The following TBL1X variants were observed in gnomAD, a reference collection of about 807,000 sequenced individuals.
The protein encoded by TBL1X is F-box-like/WD repeat-containing protein TBL1X.
In TBL1X, 10 loss-of-function variants were observed where a neutral mutation model predicts 50.7. The ratio of observed to expected loss-of-function variants is 0.20; its 90% confidence interval spans 0.12 to 0.33. The LOEUF is 0.33. Ranked by LOEUF, TBL1X falls within the 10% of genes least tolerant of loss-of-function variation. The pLI, the probability that TBL1X is intolerant of heterozygous loss-of-function variation, is 1.00. For synonymous variants in TBL1X, 190 were observed against 214.7 expected, an observed-to-expected ratio of 0.88 and a Z score of 1.01; for missense variants, 340 against 504.4, an observed-to-expected ratio of 0.67 and a Z score of 3.12.
intron 2 of TBL1X, among the ~76,000 whole-genome samples, chrX:9,525,058 A>G (rs182900561): frequency 1.8e-5 from 2 of 111,623 alleles, no homozygotes; most frequent in African/African-American, 6.5e-5. Flanking sequence ...AGAATATTCC[A>G]GAGGGATGAT....
At chrX:9,705,959 T>C (rs2083204963) in intron 13 of TBL1X, among the ~76,000 whole-genome samples, 1 of 110,407 alleles carries the variant, frequency 9.1e-6, no homozygotes, top group Admixed American at 9.7e-5. Flanking sequence ...CTTCCAACCA[T>C]GGCAGGAGGT....
chrX:9,640,740 C>T (rs2082771698), intron 3 of TBL1X, among the ~76,000 whole-genome samples: 1 of 111,578 alleles, frequency 9.0e-6, no homozygotes, highest in Admixed American at 9.5e-5. Context: ...AAGCGATTCT[C>T]CTGCCTCAGC....
At chrX:9,577,658 C>G (rs1398245471) in intron 2 of TBL1X, among the ~76,000 whole-genome samples, 1 of 111,826 alleles carries the variant, frequency 8.9e-6, no homozygotes, top group African/African-American at 3.3e-5. Context: ...GCCCCATATG[C>G]GCCACGATGG....
At chrX:9,617,221 A>G (rs1032152514) in intron 2 of TBL1X, among the ~76,000 whole-genome samples, 2 of 111,787 alleles carry the variant, frequency 1.8e-5, no homozygotes, top group African/African-American at 6.5e-5. Context: ...GAGATGCCTT[A>G]TAAGTCCTGA....
intron 2 of TBL1X, among the ~76,000 whole-genome samples, chrX:9,543,084 A>C (rs1485377531): frequency 7.1e-5 from 8 of 112,461 alleles, no homozygotes; most frequent in Non-Finnish European, 1.5e-4. Flanking sequence ...CTGGACCAAC[A>C]AGGACAGAAC....
At chrX:9,685,417 A>G (rs1419168996) in intron 6 of TBL1X, among the ~76,000 whole-genome samples, 1 of 110,943 alleles carries the variant, frequency 9.0e-6, no homozygotes, top group Admixed American at 9.6e-5. Flanking sequence ...CAGCCTCCCA[A>G]AGCACTGGGA....
At chrX:9,531,354 G>GGGGTGTGT (rs755352161) in intron 2 of TBL1X, among the ~76,000 whole-genome samples, 13 of 75,217 alleles carry the variant, frequency 1.7e-4, no homozygotes, top group Middle Eastern at 8.4e-3. Context: ...GAACCTGGAG[G>GGGGTGTGT]GTGTGTGTGT....
chrX:9,712,342 T>A (rs1388428123), intron 16 of TBL1X, among the ~76,000 whole-genome samples: 1 of 112,570 alleles, frequency 8.9e-6, no homozygotes, highest in African/African-American at 3.2e-5. Context: ...TTTTTTGTTT[T>A]TGTTTTTGTT....
intron 15 of TBL1X, among the ~76,000 whole-genome samples, chrX:9,710,092 C>T (rs1353322506): frequency 9.2e-6 from 1 of 109,011 alleles, no homozygotes; most frequent in East Asian, 2.9e-4. Flanking sequence ...TGACGTGTGC[C>T]TGTAGTCCCA....
chrX:9,518,098 CA>C (rs58522206), intron 2 of TBL1X, among the ~76,000 whole-genome samples: 7,778 of 68,034 alleles, frequency 0.11, 312 homozygotes, highest in Middle Eastern at 0.22. Context: ...GATCCTCTCT[CA>C]AAAAAAAAAA....
chrX:9,496,130 G>C (rs774048369), intron 1 of TBL1X, among the ~76,000 whole-genome samples: 2 of 112,676 alleles, frequency 1.8e-5, no homozygotes, highest in South Asian at 7.3e-4. Context: ...ATGAAAGCCA[G>C]TGTGTCCGTT....
At chrX:9,675,359 A>T (rs1270336785) in intron 5 of TBL1X, among the ~76,000 whole-genome samples, 1 of 112,000 alleles carries the variant, frequency 8.9e-6, no homozygotes, top group Non-Finnish European at 1.9e-5. Flanking sequence ...GTGGCACATT[A>T]ACACCAGCTG....
intron 1 of TBL1X, among the ~76,000 whole-genome samples, chrX:9,493,672 G>T (rs1222881549): frequency 3.6e-5 from 4 of 110,744 alleles, no homozygotes; most frequent in African/African-American, 1.3e-4. Context: ...GGGGTGGGAG[G>T]ATCACCTGAA....
At chrX:9,667,049 G>T (rs1254697752) in intron 5 of TBL1X, among the ~76,000 whole-genome samples, 1 of 111,917 alleles carries the variant, frequency 8.9e-6, no homozygotes, top group African/African-American at 3.3e-5. Flanking sequence ...GGATCACAAG[G>T]TCAGGAGATG....
chrX:9,503,983 G>T (rs779618607), intron 2 of TBL1X, among the ~76,000 whole-genome samples: 1 of 111,978 alleles, frequency 8.9e-6, no homozygotes, highest in African/African-American at 3.2e-5. Flanking sequence ...ACCCAACTGG[G>T]TGAGACCCTT....
intron 2 of TBL1X, among the ~76,000 whole-genome samples, chrX:9,634,820 T>C (rs2082737951): frequency 9.0e-6 from 1 of 111,564 alleles, no homozygotes; most frequent in Non-Finnish European, 1.9e-5. Context: ...CTCCAGTCGA[T>C]TGGCTTCCAA....
chrX:9,702,441 C>CAAAA (rs368394481), intron 12 of TBL1X, among the ~76,000 whole-genome samples: 1 of 45,193 alleles, frequency 2.2e-5, no homozygotes. Context: ...GATCCTGTCT[C>CAAAA]AAAAAAAAAA....
intron 17 of TBL1X, among the ~76,000 whole-genome samples, chrX:9,715,822 G>A (rs2083274881): frequency 1.1e-5 from 1 of 94,125 alleles, no homozygotes; most frequent in African/African-American, 4.6e-5. Flanking sequence ...AGGTTGCCCT[G>A]ACCTCTGGGG....
At chrX:9,687,975 A>AC (rs2083070773) in intron 6 of TBL1X, 42 bp from the exon 7 acceptor site, 2 of 1,169,689 alleles carry the variant, frequency 1.7e-6, no homozygotes, top group Non-Finnish European at 1.1e-6. Flanking sequence ...CAGAGCCCTC[A>AC]CCCCCGTGAG....
Sources: allele counts gnomAD v4.1 joint callset (sites outside exome capture counted in the v4.1 genomes callset), GRCh38; gene constraint gnomAD v4.1.1; transcripts MANE v1.5; gene names NCBI Gene and HGNC (gene_info 2026-07-23, HGNC 2026-07-21).